Variants in SPECC1 observed in about 807,000 individuals in gnomAD.
SPECC1 encodes cytospin-B.
A neutral mutation model predicts 104.1 loss-of-function variants in SPECC1; 62 were observed. That is an observed-to-expected ratio of 0.60 (90% CI 0.49 to 0.74). The LOEUF (loss-of-function observed/expected upper bound fraction) is 0.74, where lower values mean the gene tolerates loss of function less well. SPECC1 is among the 30% of genes least tolerant of loss of function. The pLI, the probability that SPECC1 is intolerant of heterozygous loss-of-function variation, is 0.00. For missense variants in SPECC1, 1,306 were observed against 1,310.5 expected, an observed-to-expected ratio of 1.00 and a Z score of 0.05; for synonymous variants, 513 against 501.6, an observed-to-expected ratio of 1.02 and a Z score of -0.30.
chr17:20,251,820 C>T (rs1256603104), intron 9 of SPECC1, among the ~76,000 whole-genome samples: 3 of 152,092 alleles, frequency 2.0e-5, no homozygotes, highest in Non-Finnish European at 2.9e-5. Context: ...CTCCCATAAC[C>T]CTTTGAGGTA....
At position 20,082,994 on chromosome 17, in the gene SPECC1, G is replaced by A. The variant is rs960476037; in HGVS notation, c.-21-13637G>A. Among the ~76,000 whole-genome samples, 782 of 122,016 alleles carry A rather than the reference G, an allele frequency of 6.4e-3. 6 individuals carry two copies. Among genetic ancestry groups the A allele is most frequent in the African/African-American group, 0.022 (735 of 34,140 alleles). 80.0% of individuals were successfully genotyped at this position (122,016 alleles called of 152,430 possible). On this transcript the variant is annotated intron_variant, in intron 1 of 14. Transcript: ENST00000395527. ...CGTTCGTTCGTTCGTTCGTTCGTTCGTTCGTTCGTTCATTCATCCATCTAA... is the reference window on the plus strand; with the variant it reads ...CGTTCGTTCGTTCGTTCGTTCGTTCATTCGTTCGTTCATTCATCCATCTAA...
intron 14 of SPECC1, among the ~76,000 whole-genome samples, 196 bp from the exon 15 acceptor site, chr17:20,313,780 G>T (rs776066713): frequency 5.3e-5 from 8 of 152,236 alleles, no homozygotes; most frequent in Non-Finnish European, 1.0e-4. Flanking sequence ...GAAAGGGACA[G>T]TATCTCCTGA....
chr17:20,287,423 C>CAAAAAAAAAA (rs61713120), intron 12 of SPECC1, among the ~76,000 whole-genome samples: 8 of 98,054 alleles, frequency 8.2e-5, no homozygotes, highest in Middle Eastern at 6.1e-3. Context: ...GACTCCGTCT[C>CAAAAAAAAAA]AAAAAAAAAA....
chr17:20,223,991 G>T (rs2038055982), intron 4 of SPECC1, among the ~76,000 whole-genome samples: 2 of 152,196 alleles, frequency 1.3e-5, no homozygotes, highest in Non-Finnish European at 1.5e-5. Flanking sequence ...AGACTTTCCA[G>T]ATATTCAAAG....
intron 13 of SPECC1, among the ~76,000 whole-genome samples, chr17:20,303,288 G>C (rs1417235232): frequency 6.6e-6 from 1 of 152,238 alleles, no homozygotes; most frequent in Non-Finnish European, 1.5e-5. Context: ...AAGGAAGCCA[G>C]GAGTTCACAG....
intron 3 of SPECC1, among the ~76,000 whole-genome samples, chr17:20,184,644 C>T (rs981812921): frequency 1.3e-5 from 2 of 152,178 alleles, no homozygotes; most frequent in Non-Finnish European, 2.9e-5. Flanking sequence ...TTTGTAGAAA[C>T]AGGACCTACT....
chr17:20,144,286 G>A (rs749862408), intron 3 of SPECC1, among the ~76,000 whole-genome samples: 8 of 143,554 alleles, frequency 5.6e-5, no homozygotes, highest in Non-Finnish European at 1.2e-4. Context: ...CTGGGCTCAA[G>A]CTCAAGTGAT....
chr17:20,155,811 C>T (rs928073160), intron 3 of SPECC1: 34 of 618,504 alleles, frequency 5.5e-5, no homozygotes, highest in Non-Finnish European at 6.9e-5. Flanking sequence ...GGCCTGCAGC[C>T]GGTCAGCCGG....
At chr17:20,037,727 T>G (rs751963146) in intron 1 of SPECC1, among the ~76,000 whole-genome samples, 2 of 152,166 alleles carry the variant, frequency 1.3e-5, no homozygotes, top group African/African-American at 4.8e-5. Context: ...ATTTGCTTCT[T>G]GAGAGTTAAA....
At chr17:20,241,430 A>G (rs2039196723) in intron 7 of SPECC1, among the ~76,000 whole-genome samples, 1 of 151,976 alleles carries the variant, frequency 6.6e-6, no homozygotes, top group East Asian at 1.9e-4. Context: ...TGGGCTTCTC[A>G]TGCTCCTCTC....
At chr17:20,052,865 G>A (rs918445048) in intron 1 of SPECC1, among the ~76,000 whole-genome samples, 3 of 152,196 alleles carry the variant, frequency 2.0e-5, no homozygotes, top group African/African-American at 7.2e-5. Context: ...ATGGATTTGA[G>A]GTGAGAATCT....
rs374695382 is a variant in SPECC1 at position 20,026,943 on chromosome 17, A to G, written c.-22+17519A>G. ...CCCCTTTCTCCAAATCTTTGCCAGC[A>G]TCCATTATATTTTGTCTTTTTGATA... On this transcript the variant is annotated intron_variant, in intron 1 of 14. Transcript: ENST00000395527. 2.7e-5 allele frequency among the ~76,000 whole-genome samples: 4 copies of G among 150,604 alleles called. No individual in the cohort carries two copies. The East Asian group carries it at 7.8e-4, about 29-fold the overall frequency.
At chr17:20,125,652 C>G (rs996837749) in intron 3 of SPECC1, among the ~76,000 whole-genome samples, 1 of 152,226 alleles carries the variant, frequency 6.6e-6, no homozygotes, top group African/African-American at 2.4e-5. Context: ...GCTTATTTCC[C>G]TTAGCATAGT....
In SPECC1 at chr17:20,299,555, C is replaced by CCA. The variant is rs1374470438; in HGVS notation, c.3057+2478_3057+2479insCA. ...AGCCTGGGTGACAGAGACCCTGTCT[C>CCA]AAAAAAAAAAAAAAAAAAAAAAAAG... On this transcript the variant is annotated intron_variant, in intron 13 of 14. Coordinates refer to ENST00000395527, the MANE Select transcript of SPECC1 (RefSeq NM_001243439.2). Among the ~76,000 whole-genome samples the CCA allele has an allele frequency of 2.8e-3, 112 of 40,364 alleles. 1 individual carries two copies. The highest frequency in any genetic ancestry group is 8.6e-3 in the African/African-American group (108 of 12,538). The allele number at this position is 40,364 out of a possible 152,430, so 26.5% of individuals were successfully genotyped here. A position where few individuals can be genotyped will look rare whatever the true frequency, so the allele number is the denominator to read the frequency against.
At chr17:20,032,933 C>T (rs758192223) in intron 1 of SPECC1, among the ~76,000 whole-genome samples, 4 of 147,420 alleles carry the variant, frequency 2.7e-5, no homozygotes, top group African/African-American at 5.3e-5. Context: ...TACACACACG[C>T]GCGCACACAC....
chr17:20,253,584 C>T lies in SPECC1; in HGVS notation c.2678C>T (p.Ser893Leu). 2 of 1,613,922 alleles carry T rather than the reference C, an allele frequency of 1.2e-6. No individual in the cohort carries two copies. The highest frequency in any genetic ancestry group is 1.7e-6 in the Non-Finnish European group (2 of 1,179,988). ...TTGGACCTTCCTGACCTTCCCCTCT[C>T]AGGTAAATTATGTCAACATAAAGAA... ...QRLDLPDLPL[S>L]DILKGRTETL... Residue 893 changes from serine (S) to leucine (L), a missense_variant and splice_region_variant, in exon 10 of 15, where the codon TCA becomes TTA. Around this residue, in one of 2 missense-constraint regions of SPECC1, gnomAD observed 1,177 missense variants for 1,139.9 expected, o/e 1.03. Transcript: ENST00000395527.
chr17:20,108,011 A>G (rs1263291041), intron 2 of SPECC1, among the ~76,000 whole-genome samples: 3 of 152,186 alleles, frequency 2.0e-5, no homozygotes, highest in Non-Finnish European at 4.4e-5. Context: ...CTAAAAAAAC[A>G]AAAAGACTTC....
chr17:20,205,861 A>G lies in SPECC1; in HGVS notation c.1812A>G (p.Glu604=), dbSNP rs2036745445. ...TGTCTTGCAATGAGCTCAGACAAGA[A>G]TTACTAAAGGCAAACGGTGAAATTA... is the stretch of plus-strand genomic sequence containing the variant. ...LELSCNELRQ[E]LLKANGEIKH... The change falls in exon 4 of 15, where the codon GAA becomes GAG. Residue 604 remains glutamate, a synonymous_variant. Coordinates refer to ENST00000395527, the MANE Select transcript of SPECC1 (RefSeq NM_001243439.2). 6.2e-7 allele frequency: 1 copy of G among 1,613,900 alleles called. No homozygotes were observed. Among genetic ancestry groups the G allele is most frequent in the Non-Finnish European group, 8.5e-7 (1 of 1,180,018 alleles).
chr17:20,294,869 T>G (rs1341386351), intron 12 of SPECC1, among the ~76,000 whole-genome samples: 1 of 152,204 alleles, frequency 6.6e-6, no homozygotes, highest in East Asian at 1.9e-4. Context: ...TTTTGAGCAC[T>G]GAAGGCTTTT....
Sources: gnomAD v4.1 joint callset for allele counts (sites outside exome capture counted in the v4.1 genomes callset) on GRCh38, gnomAD v4.1.1 for gene constraint, gnomAD v4.1.1 regional missense constraint, MANE v1.5 for transcripts, NCBI Gene and HGNC (gene_info 2026-07-23, HGNC 2026-07-21) for gene names.